STXBP4: variants seen among roughly 807,000 people sequenced by gnomAD.
STXBP4 encodes syntaxin binding protein 4.
STXBP4 carries 55 observed loss-of-function variants against 76.1 expected under a neutral mutation model. That is an observed-to-expected ratio of 0.72 (90% CI 0.58 to 0.91). The LOEUF is 0.91. STXBP4 is among the 40% of genes least tolerant of loss of function. The pLI, the probability that STXBP4 is intolerant of heterozygous loss-of-function variation, is 0.00. For missense variants in STXBP4, 618 were observed against 636.9 expected (o/e 0.97, Z 0.32); for synonymous variants, 201 against 220.2 (o/e 0.91, Z 0.77).
intron 1 of STXBP4, among the ~76,000 whole-genome samples, chr17:54,973,322 C>T (rs2077425909): frequency 6.6e-6 from 1 of 152,184 alleles, no homozygotes; most frequent in South Asian, 2.1e-4. Context: ...AAAACAACAA[C>T]AAAAACACTG....
chr17:55,077,029 T>C lies in STXBP4; in HGVS notation c.1189-1049T>C, dbSNP rs888912404. On this transcript the variant is annotated intron_variant, in intron 13 of 17. Transcript: ENST00000376352. ...TCTATTTCAATAGTTTCTTGTGTAT[T>C]ATACTTTCAATTCCCTCTTATTTTT... is the stretch of plus-strand genomic sequence containing the variant. Among the ~76,000 whole-genome samples the C allele has an allele frequency of 1.1e-4, 17 of 152,212 alleles. No homozygotes were observed. In the South Asian group the frequency reaches 1.7e-3, roughly 15 times the overall value.
chr17:55,156,838 CA>C (rs1012783144), intron 17 of STXBP4, among the ~76,000 whole-genome samples: 1 of 152,118 alleles, frequency 6.6e-6, no homozygotes, highest in African/African-American at 2.4e-5. Flanking sequence ...GGAGTAAGAT[CA>C]GATGTGATTT....
chr17:55,043,898 G>C (rs2078746144), intron 11 of STXBP4: 2 of 431,812 alleles, frequency 4.6e-6, no homozygotes, highest in Non-Finnish European at 8.2e-6. Context: ...GCCCAGGCTG[G>C]AGTGCAATAC....
chr17:55,155,507 A>C lies in STXBP4; in HGVS notation c.1548-4290A>C, dbSNP rs1034520394. Among the ~76,000 whole-genome samples the C allele has an allele frequency of 2.2e-5, 3 of 137,314 alleles. No homozygotes were observed. In the East Asian group the frequency reaches 6.5e-4, roughly 30 times the overall value. The allele number at this position is 137,314 out of a possible 152,430, so 90.1% of individuals were successfully genotyped here. A position where few individuals can be genotyped will look rare whatever the true frequency, so the allele number is the denominator to read the frequency against. The stretch of plus-strand genomic sequence containing the variant: ...ATATAAATACTATATGCATACAATT[A>C]TCACCCCCCCCCCAATAAAATGACA... On this transcript the variant is annotated intron_variant, in intron 17 of 17. Coordinates refer to ENST00000376352, the MANE Select transcript of STXBP4 (RefSeq NM_178509.6).
chr17:54,978,237 A>G (rs1044499171), intron 1 of STXBP4, among the ~76,000 whole-genome samples: 5 of 152,232 alleles, frequency 3.3e-5, no homozygotes, highest in Non-Finnish European at 7.3e-5. Context: ...CATCGTACAT[A>G]TGAAGACTAG....
At chr17:55,177,968 C>G (rs2080436986), downstream of STXBP4, among the ~76,000 whole-genome samples, 1 of 152,176 alleles carries the variant, frequency 6.6e-6, no homozygotes, top group Non-Finnish European at 1.5e-5. Flanking sequence ...CCAGGATTTC[C>G]TCTTGTTTTC....
chr17:55,185,069 C>T, the STXBP4 span, among the ~76,000 whole-genome samples: 1 of 152,106 alleles, frequency 6.6e-6, no homozygotes, highest in East Asian at 1.9e-4. Context: ...TGAGGTCTTG[C>T]TTCATTGCTG....
intron 8 of STXBP4, among the ~76,000 whole-genome samples, chr17:55,018,831 A>G (rs2078254955): frequency 6.6e-6 from 1 of 152,218 alleles, no homozygotes. Flanking sequence ...GAAACAAATC[A>G]CAATGGTGGA....
chr17:54,974,621 C>T (rs1442254955), intron 1 of STXBP4, among the ~76,000 whole-genome samples: 1 of 152,226 alleles, frequency 6.6e-6, no homozygotes, highest in Non-Finnish European at 1.5e-5. Context: ...AAAAGGGCCC[C>T]TCACTTATGA....
chr17:55,194,585 A>G, the STXBP4 span, among the ~76,000 whole-genome samples: 1 of 152,174 alleles, frequency 6.6e-6, no homozygotes, highest in Admixed American at 6.5e-5. Context: ...TAATGACTAG[A>G]TTAAGAAAAT....
chr17:55,202,920 C>G, the STXBP4 span, among the ~76,000 whole-genome samples: 1 of 152,094 alleles, frequency 6.6e-6, no homozygotes, highest in East Asian at 1.9e-4. Context: ...AAAGGTCATT[C>G]AGCATTCATG....
At chr17:54,990,069 A>G (rs2077690592) in intron 3 of STXBP4, among the ~76,000 whole-genome samples, 1 of 152,222 alleles carries the variant, frequency 6.6e-6, no homozygotes, top group African/African-American at 2.4e-5. Flanking sequence ...GTCCTACTCC[A>G]AAGAAATAAG....
intron 12 of STXBP4, among the ~76,000 whole-genome samples, chr17:55,049,450 A>G (rs2078831767): frequency 6.6e-6 from 1 of 152,024 alleles, no homozygotes; most frequent in Non-Finnish European, 1.5e-5. Flanking sequence ...GAAAGAAAAA[A>G]GAGGAAAACA....
At chr17:55,038,661 C>A (rs1199521292) in intron 10 of STXBP4, among the ~76,000 whole-genome samples, 1 of 151,482 alleles carries the variant, frequency 6.6e-6, no homozygotes, top group Admixed American at 6.6e-5. Flanking sequence ...AGGTTATATG[C>A]AGAAAGGGCA....
chr17:55,000,306 G>GAATC, intron 6 of STXBP4: 2 of 972,680 alleles, frequency 2.1e-6, no homozygotes, highest in African/African-American at 3.5e-5. Flanking sequence ...CACCCAAGTA[G>GAATC]AATCACACAA....
intron 16 of STXBP4, among the ~76,000 whole-genome samples, chr17:55,108,809 G>A (rs2079671918): frequency 6.6e-6 from 1 of 152,180 alleles, no homozygotes; most frequent in Non-Finnish European, 1.5e-5. Flanking sequence ...CCTGCCTTCT[G>A]CATTGATCTC....
At chr17:55,155,867 G>A (rs981286082) in intron 17 of STXBP4, among the ~76,000 whole-genome samples, 4 of 152,062 alleles carry the variant, frequency 2.6e-5, no homozygotes, top group Non-Finnish European at 5.9e-5. Flanking sequence ...ATAATATAAA[G>A]CATGTTCTCT....
chr17:55,110,609 G>GT (rs2079700371), intron 16 of STXBP4, among the ~76,000 whole-genome samples: 1 of 152,188 alleles, frequency 6.6e-6, no homozygotes, highest in African/African-American at 2.4e-5. Flanking sequence ...TTTCTGTAAA[G>GT]AACCAAGTAG....
At chr17:55,050,832 T>C (rs1228999744) in intron 12 of STXBP4, among the ~76,000 whole-genome samples, 3 of 152,104 alleles carry the variant, frequency 2.0e-5, no homozygotes, top group Non-Finnish European at 4.4e-5. Flanking sequence ...CATGCCCAGC[T>C]AATTTTAGTA....
Sources: allele counts gnomAD v4.1 joint callset (sites outside exome capture counted in the v4.1 genomes callset), GRCh38; gene constraint gnomAD v4.1.1; transcripts MANE v1.5; gene names NCBI Gene and HGNC (gene_info 2026-07-23, HGNC 2026-07-21).